The following PPP1R12B variants were observed in gnomAD, a reference collection of about 807,000 sequenced individuals.
The protein encoded by PPP1R12B is myosin phosphatase target subunit 2.
PPP1R12B carries 76 observed loss-of-function variants against 126.1 expected under a neutral mutation model. That is an observed-to-expected ratio of 0.60 (90% CI 0.50 to 0.73). PPP1R12B has a LOEUF of 0.73. PPP1R12B is among the 30% of genes least tolerant of loss of function. The pLI is 0.00. For missense variants in PPP1R12B, 1,052 were observed against 1,205.1 expected (o/e 0.87, Z 1.88); for synonymous variants, 356 against 434.7 (o/e 0.82, Z 2.25).
intron 18 of PPP1R12B, among the ~76,000 whole-genome samples, chr1:202,535,157 A>G (rs889716779): frequency 1.3e-5 from 2 of 151,988 alleles, no homozygotes; most frequent in African/African-American, 4.8e-5. Flanking sequence ...GTAAGATTCA[A>G]TGAGGCTGAA....
intron 21 of PPP1R12B, among the ~76,000 whole-genome samples, chr1:202,567,191 C>T (rs910011458): frequency 2.0e-5 from 3 of 152,268 alleles, no homozygotes; most frequent in African/African-American, 7.2e-5. Context: ...CTGTTCAAAG[C>T]AGGGCAGATG....
At chr1:202,525,389 A>G (rs1683211661) in intron 18 of PPP1R12B, among the ~76,000 whole-genome samples, 1 of 152,164 alleles carries the variant, frequency 6.6e-6, no homozygotes, top group South Asian at 2.1e-4. Context: ...TGAGTGAAAA[A>G]AAAAAATGTA....
chr1:202,390,642 GTGTGTGACA>G (rs1443316099), intron 1 of PPP1R12B, among the ~76,000 whole-genome samples: 1 of 151,406 alleles, frequency 6.6e-6, no homozygotes, highest in Non-Finnish European at 1.5e-5. Context: ...AGGACTGCAG[GTGTGTGACA>G]TCACATCCAG....
intron 18 of PPP1R12B, among the ~76,000 whole-genome samples, chr1:202,555,201 C>T (rs1297911365): frequency 6.6e-6 from 1 of 151,258 alleles, no homozygotes; most frequent in African/African-American, 2.4e-5. Context: ...GCTTCTAGAA[C>T]ATTCTAAATG....
At chr1:202,438,818 C>A (rs1221723994) in intron 10 of PPP1R12B, 4 of 865,166 alleles carry the variant, frequency 4.6e-6, no homozygotes, top group Non-Finnish European at 6.0e-6. Context: ...GTGTCTAACT[C>A]ACGGACGTGG....
intron 23 of PPP1R12B, chr1:202,576,493 T>C (rs2149039916): frequency 6.6e-6 from 1 of 152,326 alleles, no homozygotes; most frequent in Middle Eastern, 3.4e-3. Context: ...AATATCCTGC[T>C]GTAGATGCTA....
chr1:202,436,395 G>T (rs756464093), intron 9 of PPP1R12B, among the ~76,000 whole-genome samples: 2 of 152,172 alleles, frequency 1.3e-5, no homozygotes, highest in Non-Finnish European at 2.9e-5. Context: ...AACCCCTAAA[G>T]CTGGAAGGGG....
At chr1:202,409,269 C>T (rs930557886) in intron 1 of PPP1R12B, among the ~76,000 whole-genome samples, 14 of 151,384 alleles carry the variant, frequency 9.2e-5, no homozygotes, top group Non-Finnish European at 1.9e-4. Flanking sequence ...TCCATAGAGG[C>T]TATACCATTT....
intron 2 of PPP1R12B, among the ~76,000 whole-genome samples, chr1:202,422,128 T>C (rs1668876256): frequency 6.6e-6 from 1 of 152,262 alleles, no homozygotes; most frequent in Admixed American, 6.5e-5. Context: ...TAATATTTCT[T>C]CTTAAGTAAT....
At chr1:202,359,239 G>GGTGA (rs1657696018) in intron 1 of PPP1R12B, among the ~76,000 whole-genome samples, 1 of 151,784 alleles carries the variant, frequency 6.6e-6, no homozygotes, top group Admixed American at 6.6e-5. Flanking sequence ...CCACCTCCCA[G>GGTGA]GGTGTCTCAG....
chr1:202,416,784 C>G lies in PPP1R12B; in HGVS notation c.292-3C>G. ...GAATGAATGAATGGACTTTTCTTTTCAGGCATGTATTGATGAAAATTTGGA... is the reference window on the plus strand; with the variant it reads ...GAATGAATGAATGGACTTTTCTTTTGAGGCATGTATTGATGAAAATTTGGA... On this transcript the variant is annotated splice_region_variant and splice_polypyrimidine_tract_variant and intron_variant, in intron 1 of 23. Coordinates refer to ENST00000608999, the MANE Select transcript of PPP1R12B (RefSeq NM_002481.4). 1 of 1,612,236 alleles carries G rather than the reference C, an allele frequency of 6.2e-7. No homozygotes were observed. Among genetic ancestry groups the G allele is most frequent in the Non-Finnish European group, 8.5e-7 (1 of 1,179,008 alleles).
chr1:202,458,227 A>G (rs1169250374), intron 13 of PPP1R12B, among the ~76,000 whole-genome samples: 1 of 127,760 alleles, frequency 7.8e-6, no homozygotes, highest in African/African-American at 2.7e-5. Flanking sequence ...TTTTGTCTGT[A>G]CTATGCTAAG....
At chr1:202,471,844 A>T in intron 13 of PPP1R12B, 1 of 1,398,828 alleles carries the variant, frequency 7.1e-7, no homozygotes, top group Non-Finnish European at 9.9e-7. Flanking sequence ...TTTCCCACTC[A>T]TCTTGACTCA....
intron 18 of PPP1R12B, among the ~76,000 whole-genome samples, chr1:202,544,869 G>A (rs780902932): frequency 1.3e-5 from 2 of 152,234 alleles, no homozygotes; most frequent in East Asian, 3.8e-4. Context: ...GGATGATAAA[G>A]GATTGTTGCC....
intron 1 of PPP1R12B, among the ~76,000 whole-genome samples, chr1:202,412,018 G>T (rs952406292): frequency 1.1e-4 from 16 of 152,344 alleles, no homozygotes; most frequent in Non-Finnish European, 1.8e-4. Flanking sequence ...TATGGGGAAT[G>T]ATTTAGACAG....
At chr1:202,445,028 C>T in intron 12 of PPP1R12B, 1 of 1,247,116 alleles carries the variant, frequency 8.0e-7, no homozygotes, top group Non-Finnish European at 1.0e-6. Context: ...AAGAAAGTGA[C>T]TGTGTGCTGT....
At chr1:202,523,543 T>C (rs1237720472) in intron 18 of PPP1R12B, among the ~76,000 whole-genome samples, 1 of 152,180 alleles carries the variant, frequency 6.6e-6, no homozygotes, top group Non-Finnish European at 1.5e-5. Flanking sequence ...GGGAAAGTAC[T>C]GACACATGAA....
chr1:202,365,662 C>T (rs375017148), intron 1 of PPP1R12B, among the ~76,000 whole-genome samples: 15 of 152,144 alleles, frequency 9.9e-5, no homozygotes, highest in Admixed American at 5.9e-4. Context: ...TTTTAGTCTT[C>T]TACCTAGGTT....
At chr1:202,436,614 A>G (rs748253042) in intron 9 of PPP1R12B, among the ~76,000 whole-genome samples, 2 of 152,172 alleles carry the variant, frequency 1.3e-5, no homozygotes, top group East Asian at 1.9e-4. Context: ...CTGTACCCCA[A>G]ACTGGTCCTT....
Sources: allele counts gnomAD v4.1 joint callset (sites outside exome capture counted in the v4.1 genomes callset), GRCh38; gene constraint gnomAD v4.1.1; transcripts MANE v1.5; gene names NCBI Gene and HGNC (gene_info 2026-07-23, HGNC 2026-07-21).